Variants in DNAJA3 observed in about 807,000 individuals in gnomAD.
The protein encoded by DNAJA3 is dnaJ homolog subfamily A member 3, mitochondrial.
A neutral mutation model predicts 54.9 loss-of-function variants in DNAJA3; 29 were observed. The observed-to-expected ratio is 0.53, with a 90% CI of 0.39 to 0.72. The LOEUF is 0.72. DNAJA3 is among the 30% of genes least tolerant of loss of function. DNAJA3 has a pLI of 0.00. For synonymous variants in DNAJA3, 302 were observed against 251.4 expected, an observed-to-expected ratio of 1.20 and a Z score of -1.90; for missense variants, 708 against 639.4, an observed-to-expected ratio of 1.11 and a Z score of -1.16.
intron 1 of DNAJA3, among the ~76,000 whole-genome samples, chr16:4,428,307 G>A (rs940752382): frequency 1.3e-5 from 2 of 152,110 alleles, no homozygotes; most frequent in South Asian, 2.1e-4. Flanking sequence ...TTGCAGTGAT[G>A]TGATCCTGGC....
intron 3 of DNAJA3, chr16:4,440,827 C>G (rs2056828662): frequency 6.5e-6 from 1 of 153,516 alleles, no homozygotes; most frequent in African/African-American, 2.4e-5. Flanking sequence ...AAACAATTTG[C>G]CAGGACTGGT....
intron 8 of DNAJA3, among the ~76,000 whole-genome samples, 157 bp from the exon 9 acceptor site, chr16:4,448,576 T>A (rs2056934942): frequency 6.6e-6 from 1 of 152,164 alleles, no homozygotes; most frequent in Non-Finnish European, 1.5e-5. Context: ...ACTCCTGACC[T>A]CGTGATCAGC....
At chr16:4,430,076 A>C (rs2056677604) in intron 1 of DNAJA3, among the ~76,000 whole-genome samples, 1 of 151,816 alleles carries the variant, frequency 6.6e-6, no homozygotes, top group Non-Finnish European at 1.5e-5. Context: ...CAGGAGGTTG[A>C]GGTGGGAGGA....
intron 1 of DNAJA3, among the ~76,000 whole-genome samples, chr16:4,430,264 CAGAA>C (rs941046471): frequency 6.6e-6 from 1 of 151,698 alleles, no homozygotes; most frequent in Admixed American, 6.6e-5. Context: ...TTCTTCCAAG[CAGAA>C]AGAAAGCAGT....
chr16:4,447,073 T>C, intron 8 of DNAJA3, 59 bp downstream of exon 8: 4 of 1,576,720 alleles, frequency 2.5e-6, no homozygotes, highest in Non-Finnish European at 1.7e-6. Context: ...TTTTCTGAAA[T>C]GGAAAAGAAC....
intron 10 of DNAJA3, among the ~76,000 whole-genome samples, chr16:4,450,803 T>C (rs1309184227): frequency 6.6e-6 from 1 of 152,210 alleles, no homozygotes; most frequent in Non-Finnish European, 1.5e-5. Context: ...TTCTGCCACT[T>C]GCCCTGTGAC....
intron 3 of DNAJA3, chr16:4,440,977 G>T (rs1222242635): frequency 1.5e-5 from 3 of 205,348 alleles, no homozygotes; most frequent in Middle Eastern, 2.0e-3. Context: ...GGTTGTTCTG[G>T]CTTGCAGAAA....
chr16:4,453,038 G>A (rs1455984078), intron 10 of DNAJA3, among the ~76,000 whole-genome samples: 2 of 152,158 alleles, frequency 1.3e-5, no homozygotes, highest in Admixed American at 6.6e-5. Flanking sequence ...CATGTCCTAA[G>A]AACTTAAGCA....
At chr16:4,450,591 C>A in intron 10 of DNAJA3, 94 bp downstream of exon 10, 2 of 973,526 alleles carry the variant, frequency 2.1e-6, no homozygotes, top group Non-Finnish European at 3.0e-6. Context: ...GTTTCCACTT[C>A]GGGTTCTTCA....
intron 2 of DNAJA3, among the ~76,000 whole-genome samples, chr16:4,434,781 T>G (rs2056752212): frequency 6.6e-6 from 1 of 152,160 alleles, no homozygotes; most frequent in African/African-American, 2.4e-5. Flanking sequence ...TAATTAAATT[T>G]AATCTGTATT....
chr16:4,436,395 A>G (rs1441809036), intron 2 of DNAJA3, among the ~76,000 whole-genome samples: 1 of 152,218 alleles, frequency 6.6e-6, no homozygotes, highest in Non-Finnish European at 1.5e-5. Context: ...AGAAAGACTT[A>G]ATTTAGAGAA....
chr16:4,442,155 TG>T, intron 4 of DNAJA3, 112 bp from the exon 5 acceptor site: 3 of 1,118,824 alleles, frequency 2.7e-6, no homozygotes, highest in Non-Finnish European at 2.5e-6. Context: ...GTAAGTACAG[TG>T]GTGAAAGAGT....
At chr16:4,436,077 A>T (rs1365736223) in intron 2 of DNAJA3, among the ~76,000 whole-genome samples, 5 of 152,188 alleles carry the variant, frequency 3.3e-5, no homozygotes, top group Admixed American at 6.5e-5. Context: ...ATGACTAATG[A>T]TGGTGAGCAT....
chr16:4,436,517 G>A (rs1423177890), intron 2 of DNAJA3, among the ~76,000 whole-genome samples: 1 of 152,170 alleles, frequency 6.6e-6, no homozygotes, highest in African/African-American at 2.4e-5. Flanking sequence ...TATTTATTCA[G>A]TCATTTTCTT....
intron 10 of DNAJA3, among the ~76,000 whole-genome samples, chr16:4,450,738 T>C (rs1273870636): frequency 1.3e-5 from 2 of 152,212 alleles, no homozygotes; most frequent in Non-Finnish European, 2.9e-5. Flanking sequence ...ACCAGGGCAC[T>C]TCCTGCAGGC....
At chr16:4,429,371 G>C (rs938896681) in intron 1 of DNAJA3, among the ~76,000 whole-genome samples, 1 of 151,980 alleles carries the variant, frequency 6.6e-6, no homozygotes, top group Non-Finnish European at 1.5e-5. Context: ...CTACAGGCAC[G>C]TGCCACCACT....
chr16:4,442,239 GT>G (rs1262799778), intron 4 of DNAJA3, 28 bp from the exon 5 acceptor site: 1 of 1,542,544 alleles, frequency 6.5e-7, no homozygotes, highest in Non-Finnish European at 8.8e-7. Flanking sequence ...GCAAACAAAA[GT>G]TGACAGGCTG....
chr16:4,444,610 A>G lies in DNAJA3; in HGVS notation c.932-54A>G. 1.3e-6 allele frequency: 2 copies of G among 1,521,312 alleles called. 1 individual carries two copies. Among genetic ancestry groups the G allele is most frequent in the Non-Finnish European group, 1.8e-6 (2 of 1,096,704 alleles). 94.2% of individuals were successfully genotyped at this position (1,521,312 alleles called of 1,614,324 possible). A position where few individuals can be genotyped will look rare whatever the true frequency, so the allele number is the denominator to read the frequency against. Reference sequence around the variant, plus strand: ...CGGCCTCCCAAAGTGCTGGGATTACAGGCGTGAGCCACCGCGTCCTGCCTA... The same window carrying G: ...CGGCCTCCCAAAGTGCTGGGATTACGGGCGTGAGCCACCGCGTCCTGCCTA... On this transcript the variant is annotated intron_variant, in intron 6 of 11. Transcript: ENST00000262375.
rs2057035558 is a variant in DNAJA3, at chr16:4,456,355, G to T, written c.*823G>T. 1 of 152,324 alleles carries T rather than the reference G, an allele frequency of 6.6e-6. No homozygotes were observed. The highest frequency in any genetic ancestry group is 2.1e-4 in the South Asian group (1 of 4,838). 9.4% of individuals were successfully genotyped at this position (152,324 alleles called of 1,614,324 possible). A position where few individuals can be genotyped will look rare whatever the true frequency, so the allele number is the denominator to read the frequency against. On this transcript the variant is annotated 3_prime_UTR_variant, in exon 12 of 12. Coordinates refer to ENST00000262375, the MANE Select transcript of DNAJA3 (RefSeq NM_005147.6). Reference sequence around the variant, plus strand: ...GCTGGCCAGACTTCAGCTGCCTTGGGAACTGAAGCCCTGCCACTGTTGCTA... The same window carrying T: ...GCTGGCCAGACTTCAGCTGCCTTGGTAACTGAAGCCCTGCCACTGTTGCTA...
Sources: gnomAD v4.1 joint callset for allele counts (sites outside exome capture counted in the v4.1 genomes callset) on GRCh38, gnomAD v4.1.1 for gene constraint, MANE v1.5 for transcripts, NCBI Gene and HGNC (gene_info 2026-07-23, HGNC 2026-07-21) for gene names.